The following SOX6 variants were observed in gnomAD, a reference collection of about 807,000 sequenced individuals.
SOX6 encodes SRY-box transcription factor 6.
In SOX6, 11 loss-of-function variants were observed where a neutral mutation model predicts 97.8. The ratio of observed to expected loss-of-function variants is 0.11; its 90% CI spans 0.07 to 0.19. The LOEUF (loss-of-function observed/expected upper bound fraction) is 0.19. SOX6 is among the 10% of genes least tolerant of loss of function. The pLI, the probability that SOX6 is intolerant of heterozygous loss-of-function variation, is 1.00. For synonymous variants in SOX6, 360 were observed against 371.4 expected (o/e 0.97, Z 0.35); for missense variants, 810 against 1,039.5 (o/e 0.78, Z 3.04).
intron 3 of SOX6, among the ~76,000 whole-genome samples, chr11:16,672,060 T>A (rs543252306): frequency 6.6e-6 from 1 of 152,288 alleles, no homozygotes; most frequent in Non-Finnish European, 1.5e-5. Context: ...GCTTCCTAAG[T>A]GAAGGAGAAA....
At chr11:16,003,975 C>T (rs2072755817) in intron 13 of SOX6, among the ~76,000 whole-genome samples, 1 of 151,340 alleles carries the variant, frequency 6.6e-6, no homozygotes, top group Non-Finnish European at 1.5e-5. Context: ...AATCTGAAAA[C>T]TATTCTAATG....
chr11:16,235,949 G>C (rs564084937), intron 3 of SOX6, among the ~76,000 whole-genome samples: 1 of 152,180 alleles, frequency 6.6e-6, no homozygotes, highest in African/African-American at 2.4e-5. Flanking sequence ...ATAGAATCCA[G>C]ATCAGTGTGT....
chr11:16,565,964 C>T (rs1438535105), intron 4 of SOX6, among the ~76,000 whole-genome samples: 2 of 151,834 alleles, frequency 1.3e-5, no homozygotes, highest in Admixed American at 6.6e-5. Context: ...GGCGTGGTGA[C>T]GGGCGCCTGT....
At chr11:16,426,195 G>T (rs1316031001) in intron 1 of SOX6, among the ~76,000 whole-genome samples, 1 of 140,712 alleles carries the variant, frequency 7.1e-6, no homozygotes, top group Non-Finnish European at 1.5e-5. Flanking sequence ...GGCAGAGCTT[G>T]CAGTGAGCTG....
At chr11:16,351,478 A>T (rs1300947180) in intron 1 of SOX6, among the ~76,000 whole-genome samples, 1 of 152,054 alleles carries the variant, frequency 6.6e-6, no homozygotes, top group Non-Finnish European at 1.5e-5. Context: ...AATCAATCTT[A>T]ACTGCTACTC....
rs781299635 is a variant in SOX6 at position 16,379,474 on chromosome 11, G to GA, written c.-4-38223dup. Among the ~76,000 whole-genome samples the GA allele has an allele frequency of 2.1e-3, 311 of 148,034 alleles. 7 individuals are homozygous for GA. Among genetic ancestry groups the GA allele is most frequent in the East Asian group, 5.9e-4 (3 of 5,082 alleles). On this transcript the variant is annotated intron_variant, in intron 1 of 15. Coordinates refer to the SOX6 transcript ENST00000396356. The stretch of plus-strand genomic sequence containing the variant: ...AGAGCAAAACTCCATCTCAAAAAAA[G>GA]AAAAAAAAATGCAAATAAATAAAGA...
rs770479584 is a variant in SOX6, at chr11:15,972,683, G to A, written c.*126C>T. ...AAACTTAATCTGTCTCACACTTTAC[G>A]AAACAATTAAGACCATTCTGCTGAT... is the stretch of plus-strand genomic sequence containing the variant. On this transcript the variant is annotated 3_prime_UTR_variant, in exon 16 of 16. Coordinates refer to ENST00000683767, the MANE Select transcript of SOX6 (RefSeq NM_001367873.1). The A allele has an allele frequency of 2.7e-5, 28 of 1,044,190 alleles. No individual in the cohort carries two copies. Among genetic ancestry groups the A allele is most frequent in the Admixed American group, 9.4e-5 (5 of 53,174 alleles). 64.7% of individuals were successfully genotyped at this position (1,044,190 alleles called of 1,614,324 possible).
At chr11:16,331,160 C>T (rs1376648172) in intron 2 of SOX6, among the ~76,000 whole-genome samples, 1 of 152,112 alleles carries the variant, frequency 6.6e-6, no homozygotes, top group Non-Finnish European at 1.5e-5. Flanking sequence ...TTCTTTTCAT[C>T]CTCCTTTGAG....
intron 3 of SOX6, among the ~76,000 whole-genome samples, chr11:16,688,584 C>T (rs1847987043): frequency 6.6e-6 from 1 of 152,100 alleles, no homozygotes; most frequent in South Asian, 2.1e-4. Context: ...TTTTTGAAAT[C>T]TCATTGTAGT....
At chr11:16,520,866 T>C (rs1486519785) in intron 4 of SOX6, among the ~76,000 whole-genome samples, 1 of 152,242 alleles carries the variant, frequency 6.6e-6, no homozygotes, top group African/African-American at 2.4e-5. Flanking sequence ...CCACGGAGTC[T>C]CGCTGATTGC....
At chr11:16,198,873 T>C (rs768310274) in intron 4 of SOX6, among the ~76,000 whole-genome samples, 3 of 152,226 alleles carry the variant, frequency 2.0e-5, no homozygotes, top group Non-Finnish European at 2.9e-5. Context: ...GAATCTACTC[T>C]AGTGCTACTC....
chr11:16,549,262 C>T (rs1486232120), intron 4 of SOX6, among the ~76,000 whole-genome samples: 1 of 152,010 alleles, frequency 6.6e-6, no homozygotes, highest in Non-Finnish European at 1.5e-5. Context: ...GTCCGCCTCC[C>T]GGGTTCAAGG....
chr11:16,583,968 T>C (rs531686781), intron 4 of SOX6, among the ~76,000 whole-genome samples: 5 of 152,154 alleles, frequency 3.3e-5, no homozygotes, highest in South Asian at 2.1e-4. Context: ...CGAGATAATA[T>C]CACCTTGTGG....
chr11:16,547,421 T>C (rs1323854228), intron 4 of SOX6, among the ~76,000 whole-genome samples: 1 of 151,726 alleles, frequency 6.6e-6, no homozygotes, highest in Non-Finnish European at 1.5e-5. Flanking sequence ...TATATAAAAG[T>C]ATATGTACAC....
chr11:16,206,832 T>C (rs1852084152), intron 4 of SOX6, among the ~76,000 whole-genome samples: 1 of 152,154 alleles, frequency 6.6e-6, no homozygotes. Context: ...CTAGAAAGTG[T>C]CACTTTATCC....
intron 4 of SOX6, among the ~76,000 whole-genome samples, chr11:16,545,960 A>C (rs1236763473): frequency 1.3e-5 from 2 of 152,124 alleles, no homozygotes; most frequent in African/African-American, 4.8e-5. Context: ...TATTTAAATA[A>C]ATAAATAAAT....
chr11:16,375,555 T>C (rs1264370067), intron 1 of SOX6, among the ~76,000 whole-genome samples: 1 of 151,726 alleles, frequency 6.6e-6, no homozygotes, highest in Non-Finnish European at 1.5e-5. Flanking sequence ...TCACTAAAAC[T>C]CTAAAGTTGC....
At chr11:16,609,550 G>A (rs1848373276) in intron 4 of SOX6, among the ~76,000 whole-genome samples, 1 of 152,216 alleles carries the variant, frequency 6.6e-6, no homozygotes, top group Admixed American at 6.5e-5. Context: ...ACCTCCTACA[G>A]ATGAAGTGAT....
intron 4 of SOX6, among the ~76,000 whole-genome samples, chr11:16,215,129 A>G (rs993005140): frequency 1.3e-5 from 2 of 152,164 alleles, no homozygotes; most frequent in African/African-American, 4.8e-5. Context: ...ATATTCCCAA[A>G]TTCAAAACAC....
Sources: gnomAD v4.1 joint callset for allele counts (sites outside exome capture counted in the v4.1 genomes callset) on GRCh38, gnomAD v4.1.1 for gene constraint, MANE v1.5 for transcripts, NCBI Gene and HGNC (gene_info 2026-07-23, HGNC 2026-07-21) for gene names.